LRP1B: variants seen among roughly 807,000 people sequenced by gnomAD.
The protein encoded by LRP1B is low-density lipoprotein receptor-related protein 1B.
A neutral mutation model predicts 556.6 loss-of-function variants in LRP1B; 217 were observed. That is an observed-to-expected ratio of 0.39 (90% confidence interval 0.35 to 0.44). The LOEUF is 0.44. LRP1B is among the 20% of genes least tolerant of loss of function. LRP1B has a pLI of 1.00. For missense variants in LRP1B, 5,053 were observed against 5,620.8 expected, an observed-to-expected ratio of 0.90 and a Z score of 3.23; for synonymous variants, 2,047 against 1,865.8, an observed-to-expected ratio of 1.10 and a Z score of -2.50.
At chr2:142,014,869 A>G (rs1372376904) in intron 1 of LRP1B, among the ~76,000 whole-genome samples, 2 of 152,162 alleles carry the variant, frequency 1.3e-5, no homozygotes, top group Non-Finnish European at 2.9e-5. Flanking sequence ...CATTAATCTG[A>G]GGATGATATA....
rs1334800289 is a variant in LRP1B, at chr2:140,357,965, G to A, written c.11395+14C>T. The A allele has an allele frequency of 6.2e-7, 1 of 1,601,936 alleles. No individual in the cohort carries two copies. The highest frequency in any genetic ancestry group is 1.1e-5 in the South Asian group (1 of 89,876). Reference sequence around the variant, plus strand: ...GTGTATCCCGGTGCTTTGCTTAACAGAAAACAAGCTCACCTATTCTGCATC... The same window carrying A: ...GTGTATCCCGGTGCTTTGCTTAACAAAAAACAAGCTCACCTATTCTGCATC... On this transcript the variant is annotated intron_variant, in intron 74 of 90. Coordinates refer to ENST00000389484, the MANE Select transcript of LRP1B (RefSeq NM_018557.3).
At chr2:140,240,289 C>T (rs977832382) in intron 87 of LRP1B, among the ~76,000 whole-genome samples, 5 of 150,590 alleles carry the variant, frequency 3.3e-5, no homozygotes, top group Non-Finnish European at 7.4e-5. Flanking sequence ...TCCTTTCTTC[C>T]ATATATGAGA....
intron 1 of LRP1B, 112 bp downstream of exon 1, chr2:142,130,536 C>T: frequency 1.1e-6 from 1 of 890,442 alleles, no homozygotes; most frequent in Non-Finnish European, 1.7e-6. Flanking sequence ...TCACCCGGTC[C>T]CGGGGAGCGG....
chr2:141,385,355 T>C (rs1378326637), intron 3 of LRP1B, among the ~76,000 whole-genome samples: 2 of 152,070 alleles, frequency 1.3e-5, no homozygotes, highest in Non-Finnish European at 2.9e-5. Context: ...TGATCAACAA[T>C]CCACAAGTTT....
At chr2:141,943,312 ACAATGGGTCTTGGGCTTCAATTT>A (rs1700868735) in intron 1 of LRP1B, among the ~76,000 whole-genome samples, 1 of 152,202 alleles carries the variant, frequency 6.6e-6, no homozygotes, top group Non-Finnish European at 1.5e-5. Context: ...AAGTGTTATA[ACAATGGGTCTTGGGCTTCAATTT>A]TGTAAAATGG....
Position 141,041,054 on chromosome 2 carries a change from G to C in LRP1B, c.1789+7932C>G, listed in dbSNP as rs556814794. ...GTACCTTCATTTAAAGGAAGACCTC[G>C]GTTTTCCAGGTATTTACAGGAGCTA... On this transcript the variant is annotated intron_variant, in intron 11 of 90. Transcript: ENST00000389484. 2.4e-4 allele frequency among the ~76,000 whole-genome samples: 36 copies of C among 151,956 alleles called. 1 individual carries two copies. Among genetic ancestry groups the C allele is most frequent in the African/African-American group, 8.4e-4 (35 of 41,464 alleles).
At chr2:140,716,435 C>T (rs1441376694) in intron 36 of LRP1B, among the ~76,000 whole-genome samples, 1 of 152,010 alleles carries the variant, frequency 6.6e-6, no homozygotes, top group Non-Finnish European at 1.5e-5. Context: ...GTTTACCTGC[C>T]TTCTGGAGCT....
At position 140,968,058 on chromosome 2, in the gene LRP1B, G is replaced by A. The variant is rs564244219; in HGVS notation, c.2887+14102C>T. On this transcript the variant is annotated intron_variant, in intron 18 of 90. Coordinates refer to ENST00000389484, the MANE Select transcript of LRP1B (RefSeq NM_018557.3). The stretch of plus-strand genomic sequence containing the variant: ...TGCTGGCCTCATAAAATGAGTTAGG[G>A]AGGATTCCCTCTTTTTCTATTGATT... Among the ~76,000 whole-genome samples, 485 of 136,546 alleles carry A rather than the reference G, an allele frequency of 3.6e-3. 3 individuals are homozygous for A. Among genetic ancestry groups the A allele is most frequent in the African/African-American group, 0.012 (451 of 36,960 alleles). The allele number at this position is 136,546 out of a possible 152,430, so 89.6% of individuals were successfully genotyped here. A position where few individuals can be genotyped will look rare whatever the true frequency, so the allele number is the denominator to read the frequency against.
At chr2:140,266,665 CTT>C (rs1409674608) in intron 86 of LRP1B, among the ~76,000 whole-genome samples, 2 of 151,986 alleles carry the variant, frequency 1.3e-5, no homozygotes, top group Admixed American at 6.6e-5. Context: ...GCTGTACCCT[CTT>C]TTGAAAAAAG....
chr2:140,238,893 G>A lies in LRP1B; in HGVS notation c.13415+549C>T, dbSNP rs549022640. On this transcript the variant is annotated intron_variant, in intron 88 of 90. Coordinates refer to ENST00000389484, the MANE Select transcript of LRP1B (RefSeq NM_018557.3). Reference sequence around the variant, plus strand: ...CCCTACACTCTATGTCAGTAATAATGGACATTATTTCACGTCCATTTGTAA... The same window carrying A: ...CCCTACACTCTATGTCAGTAATAATAGACATTATTTCACGTCCATTTGTAA... Among the ~76,000 whole-genome samples the A allele has an allele frequency of 8.6e-5, 13 of 150,802 alleles. No homozygotes were observed. In the South Asian group the frequency reaches 2.1e-3, roughly 24 times the overall value.
chr2:141,931,820 C>A (rs553102240), intron 1 of LRP1B, among the ~76,000 whole-genome samples: 14 of 152,082 alleles, frequency 9.2e-5, no homozygotes, highest in African/African-American at 3.4e-4. Flanking sequence ...TTGAAAGGAA[C>A]TTCATGAAGA....
intron 9 of LRP1B, 138 bp from the exon 10 acceptor site, chr2:141,055,397 A>G (rs1168775486): frequency 2.7e-6 from 2 of 736,950 alleles, no homozygotes; most frequent in Non-Finnish European, 2.1e-6. Context: ...ATTTAGCACC[A>G]TAATCGAATG....
intron 41 of LRP1B, among the ~76,000 whole-genome samples, chr2:140,667,168 T>C (rs1168718563): frequency 6.6e-6 from 1 of 152,196 alleles, no homozygotes; most frequent in African/African-American, 2.4e-5. Context: ...TTGTCCTCAC[T>C]GTTACCTCCA....
intron 1 of LRP1B, among the ~76,000 whole-genome samples, chr2:142,110,254 T>C (rs1706924971): frequency 6.6e-6 from 1 of 152,142 alleles, no homozygotes; most frequent in African/African-American, 2.4e-5. Flanking sequence ...TCTCCATACC[T>C]GTTTATTTAT....
intron 7 of LRP1B, among the ~76,000 whole-genome samples, chr2:141,098,282 GA>G (rs566018524): frequency 1.3e-5 from 2 of 152,026 alleles, no homozygotes; most frequent in African/African-American, 2.4e-5. Flanking sequence ...AATTTGAACA[GA>G]AAAAAATGGT....
chr2:140,796,792 G>T (rs1690331284), intron 32 of LRP1B, among the ~76,000 whole-genome samples: 1 of 151,974 alleles, frequency 6.6e-6, no homozygotes, highest in Non-Finnish European at 1.5e-5. Flanking sequence ...AAATAACCTG[G>T]ATTGTATATA....
At chr2:141,760,134 C>T (rs565070433) in intron 2 of LRP1B, among the ~76,000 whole-genome samples, 14 of 152,218 alleles carry the variant, frequency 9.2e-5, no homozygotes, top group Non-Finnish European at 2.1e-4. Context: ...AGAATTGTTT[C>T]AAAAACTATC....
chr2:141,700,543 G>A (rs1044206548), intron 2 of LRP1B, among the ~76,000 whole-genome samples: 5 of 151,516 alleles, frequency 3.3e-5, no homozygotes, highest in Non-Finnish European at 7.4e-5. Context: ...ACACCTCTGG[G>A]CCTCAGAAAA....
At chr2:141,215,112 C>G (rs1290894881) in intron 6 of LRP1B, among the ~76,000 whole-genome samples, 1 of 152,078 alleles carries the variant, frequency 6.6e-6, no homozygotes, top group African/African-American at 2.4e-5. Context: ...TGGCTTGGTG[C>G]TGTCCTCACA....
Sources: gnomAD v4.1 joint callset for allele counts (sites outside exome capture counted in the v4.1 genomes callset) on GRCh38, gnomAD v4.1.1 for gene constraint, MANE v1.5 for transcripts, NCBI Gene and HGNC (gene_info 2026-07-23, HGNC 2026-07-21) for gene names.